FCN2: variants seen among roughly 807,000 people sequenced by gnomAD.
FCN2 encodes ficolin-2.
In FCN2, 31 loss-of-function variants were observed where a neutral mutation model predicts 32.5. That is an observed-to-expected ratio of 0.96 (90% CI 0.72 to 1.29). The LOEUF (loss-of-function observed/expected upper bound fraction) is 1.29. Among genes scored for constraint, FCN2 ranks in the 50% most tolerant of loss-of-function variants. The pLI is 0.00. For synonymous variants in FCN2, 181 were observed against 164.5 expected (o/e 1.10, Z -0.77); for missense variants, 412 against 406.5 (o/e 1.01, Z -0.12).
At chr9:134,868,291 A>T in the FCN2 span, 1 of 152,754 alleles carries the variant, frequency 6.5e-6, no homozygotes, top group African/African-American at 2.4e-5. The surrounding 1 kb of genome is among the most constrained non-coding windows in gnomAD (Gnocchi z 4.3). Context: ...AACGACCGAG[A>T]TGCTGAAAAC....
chr9:134,879,715 G>A (rs916412835), upstream of FCN2, among the ~76,000 whole-genome samples: 4 of 152,264 alleles, frequency 2.6e-5, no homozygotes, highest in East Asian at 7.7e-4. Context: ...CATCTCCATG[G>A]GCATTGAAGG....
intron 2 of FCN2, 138 bp downstream of exon 2, chr9:134,882,777 C>T: frequency 1.6e-6 from 1 of 633,862 alleles, no homozygotes; most frequent in East Asian, 2.7e-5. Flanking sequence ...GAACTGACTC[C>T]CAGGGCCCAA....
chr9:134,881,463 C>T (rs574530414), intron 1 of FCN2, among the ~76,000 whole-genome samples: 33 of 152,262 alleles, frequency 2.2e-4, no homozygotes, highest in African/African-American at 7.7e-4. Flanking sequence ...GAGTTCTGGA[C>T]CTCCTTCGGG....
rs535621402 is a variant in FCN2, at chr9:134,885,781, G to T, written c.443G>T (p.Arg148Met). The T allele has an allele frequency of 2.5e-6, 4 of 1,614,078 alleles. No homozygotes were observed. The highest frequency in any genetic ancestry group is 3.4e-6 in the Non-Finnish European group (4 of 1,179,988). ...DGGGWTVFQR[R>M]VDGSVDFYRD... ...GCTTCTCCACAGGTTTTCCAGCGGA[G>T]GGTGGATGGCTCTGTGGACTTCTAC... Residue 148 changes from arginine (R) to methionine (M), a missense_variant, in exon 6 of 8, where the codon AGG becomes ATG. Physicochemically the swap from Arg to Met is moderately conservative, Grantham distance 91 (BLOSUM62 -1). Coordinates refer to ENST00000291744, the MANE Select transcript of FCN2 (RefSeq NM_004108.3).
the FCN2 span, among the ~76,000 whole-genome samples, chr9:134,873,170 T>C: frequency 0.011 from 1,671 of 152,108 alleles, 15 homozygotes; most frequent in Non-Finnish European, 0.018. Flanking sequence ...ATCTCTGTGT[T>C]CCGAGTACCA....
At chr9:134,874,545 T>C in the FCN2 span, among the ~76,000 whole-genome samples, 2,567 of 152,336 alleles carry the variant, frequency 0.017, 160 homozygotes, top group East Asian at 0.14. Context: ...ATTTCTAAAA[T>C]CTCTATTCTG....
the FCN2 span, among the ~76,000 whole-genome samples, chr9:134,872,360 G>T: frequency 6.6e-6 from 1 of 152,186 alleles, no homozygotes; most frequent in Non-Finnish European, 1.5e-5. Flanking sequence ...CTTCCAGGTG[G>T]GGCCATGACA....
the FCN2 span, among the ~76,000 whole-genome samples, chr9:134,869,141 G>T: frequency 3.0e-4 from 46 of 152,286 alleles, no homozygotes; most frequent in East Asian, 8.9e-3. Flanking sequence ...TGCCCACTCG[G>T]CCCCCGTGCC....
At chr9:134,880,802 T>C (rs1403902476), upstream of FCN2, 2 of 1,603,316 alleles carry the variant, frequency 1.2e-6, no homozygotes, top group African/African-American at 1.3e-5. Context: ...AGGCACCTTT[T>C]GAAGCAAAGA....
chr9:134,875,666 A>C, the FCN2 span, among the ~76,000 whole-genome samples: 2 of 152,248 alleles, frequency 1.3e-5, no homozygotes, highest in African/African-American at 2.4e-5. Flanking sequence ...GGCATCTTCC[A>C]ACCAAAAACC....
chr9:134,879,293 T>C (rs961335884), upstream of FCN2, among the ~76,000 whole-genome samples: 3 of 152,252 alleles, frequency 2.0e-5, no homozygotes, highest in Non-Finnish European at 4.4e-5. Flanking sequence ...TTAAATAGCA[T>C]ATTTTTTTAG....
upstream of FCN2, among the ~76,000 whole-genome samples, chr9:134,880,225 C>T (rs1232843729): frequency 6.6e-6 from 1 of 152,170 alleles, no homozygotes; most frequent in East Asian, 1.9e-4. Flanking sequence ...TGTTCATGTG[C>T]CCCTGTGCTC....
At chr9:134,882,414 A>C in intron 1 of FCN2, 112 bp from the exon 2 acceptor site, 1 of 900,178 alleles carries the variant, frequency 1.1e-6, no homozygotes, top group Non-Finnish European at 1.9e-6. Context: ...CCATCTGCCC[A>C]GTCCTGATGT....
upstream of FCN2, among the ~76,000 whole-genome samples, chr9:134,878,341 T>C (rs184256784): frequency 1.8e-3 from 267 of 152,310 alleles, no homozygotes; most frequent in Non-Finnish European, 1.8e-3. Flanking sequence ...CGGGAACTTC[T>C]GCCCTTCTCT....
Position 134,887,071 on chromosome 9 carries a change from A to G in FCN2, c.695-97A>G. 3 of 1,404,866 alleles carry G rather than the reference A, an allele frequency of 2.1e-6. No homozygotes were observed. In the Admixed American group the frequency reaches 5.0e-5, roughly 24 times the overall value. 87.0% of individuals were successfully genotyped at this position (1,404,866 alleles called of 1,614,324 possible). On this transcript the variant is annotated intron_variant, in intron 7 of 7. Transcript: ENST00000291744. ...CAGTGCACAACCTGCCTAACCATAC[A>G]TGGAGGACACACCAGGCCAGGCCTC... is the stretch of plus-strand genomic sequence containing the variant.
chr9:134,880,606 C>T (rs1481851673), upstream of FCN2, among the ~76,000 whole-genome samples: 1 of 152,200 alleles, frequency 6.6e-6, no homozygotes, highest in Admixed American at 6.5e-5. Context: ...TGGAAGGAGA[C>T]CGTCCCCCTG....
chr9:134,867,496 G>T, the FCN2 span, among the ~76,000 whole-genome samples: 1,303 of 114,666 alleles, frequency 0.011, 26 homozygotes, highest in African/African-American at 0.041. Context: ...GTGGTGGGGT[G>T]GGGGGAGGGG....
intron 5 of FCN2, 67 bp from the exon 6 acceptor site, chr9:134,885,701 G>A (rs1416404780): frequency 8.1e-6 from 13 of 1,607,528 alleles, no homozygotes; most frequent in Non-Finnish European, 1.0e-5. Context: ...CCTCTGGAGG[G>A]CGGGTCCCCC....
rs761503214 is a variant in FCN2 at position 134,887,361 on chromosome 9, G to A, written c.888G>A (p.Gly296=). 6.2e-7 allele frequency: 1 copy of A among 1,614,132 alleles called. No individual in the cohort carries two copies. Among genetic ancestry groups the A allele is most frequent in the Non-Finnish European group, 8.5e-7 (1 of 1,180,006 alleles). The part of the protein sequence containing the change: ...SFANGINWKS[G]KGYNYSYKVS... Reference sequence around the variant, plus strand: ...CAAATGGCATCAACTGGAAGTCGGGGAAAGGATACAATTATAGCTACAAGG... The same window carrying A: ...CAAATGGCATCAACTGGAAGTCGGGAAAAGGATACAATTATAGCTACAAGG... Residue 296 remains glycine, a synonymous_variant, in exon 8 of 8, where the codon GGG becomes GGA. Coordinates refer to ENST00000291744, the MANE Select transcript of FCN2 (RefSeq NM_004108.3).
Sources: gnomAD v4.1 joint callset for allele counts (sites outside exome capture counted in the v4.1 genomes callset) on GRCh38, gnomAD v4.1.1 for gene constraint, Gnocchi (gnomAD v3.1) non-coding constraint, MANE v1.5 for transcripts, NCBI Gene and HGNC (gene_info 2026-07-23, HGNC 2026-07-21) for gene names.